The following PPP1R12A variants were observed in gnomAD, a reference collection of about 807,000 sequenced individuals.
PPP1R12A encodes the protein myosin binding subunit.
In PPP1R12A, 19 loss-of-function variants were observed where a neutral mutation model predicts 139.6. That is an observed-to-expected ratio of 0.14 (90% CI 0.09 to 0.20). PPP1R12A has a LOEUF of 0.20. Among genes scored for constraint, PPP1R12A ranks in the 10% least tolerant of loss-of-function variants. The probability of loss-of-function intolerance (pLI) is 1.00; values close to 1 mark genes in which losing one functional copy is unlikely to be tolerated. For missense variants in PPP1R12A, 925 were observed against 1,211.5 expected (o/e 0.76, Z 3.51); for synonymous variants, 427 against 420.6 (o/e 1.02, Z -0.19).
chr12:79,847,960 C>G (rs1565776111), intron 2 of PPP1R12A, among the ~76,000 whole-genome samples: 1 of 152,278 alleles, frequency 6.6e-6, no homozygotes, highest in African/African-American at 2.4e-5. Context: ...CACACACACC[C>G]TCCCTCTAAC....
At chr12:79,817,202 T>C (rs1592661327) in intron 9 of PPP1R12A, among the ~76,000 whole-genome samples, 192 bp downstream of exon 9, 1 of 152,122 alleles carries the variant, frequency 6.6e-6, no homozygotes, top group Non-Finnish European at 1.5e-5. Context: ...GTAATATCAA[T>C]TGCAAAAAGG....
At chr12:79,864,114 A>T (rs1881689613) in intron 2 of PPP1R12A, among the ~76,000 whole-genome samples, 1 of 152,228 alleles carries the variant, frequency 6.6e-6, no homozygotes, top group Non-Finnish European at 1.5e-5. Context: ...GCAAATGTAA[A>T]AGAACAGAAA....
chr12:79,856,593 CCA>C (rs1880686134), intron 2 of PPP1R12A, among the ~76,000 whole-genome samples: 1 of 152,126 alleles, frequency 6.6e-6, no homozygotes, highest in Non-Finnish European at 1.5e-5. Context: ...TTAGAGTGAA[CCA>C]AAAACTTGAA....
chr12:79,822,210 G>C lies in PPP1R12A; in HGVS notation c.793-20C>G. Reference sequence around the variant, plus strand: ...TTGGCCCTACGTAGGAAACAAGGGGGGATGGTGATGGTCAAAAGTCAATAA... The same window carrying C: ...TTGGCCCTACGTAGGAAACAAGGGGCGATGGTGATGGTCAAAAGTCAATAA... On this transcript the variant is annotated intron_variant, in intron 5 of 24. Transcript: ENST00000450142. The C allele has an allele frequency of 6.6e-7, 1 of 1,511,426 alleles. No homozygotes were observed. The highest frequency in any genetic ancestry group is 9.1e-7 in the Non-Finnish European group (1 of 1,100,886). The allele number at this position is 1,511,426 out of a possible 1,614,324, so 93.6% of individuals were successfully genotyped here.
Position 79,807,267 on chromosome 12 carries a change from T to C in PPP1R12A, c.1614A>G (p.Lys538=). Reference sequence around the variant, plus strand: ...ATCCTTCATTAACTGAGCTATTTTTTTTAAGATCATCTTCCCATTTTCTCC... The same window carrying C: ...ATCCTTCATTAACTGAGCTATTTTTCTTAAGATCATCTTCCCATTTTCTCC... The part of the protein sequence containing the change: ...YTRRKWEDDL[K]KNSSVNEGST... Residue 538 remains lysine, a synonymous_variant, in exon 12 of 25, where the codon AAA becomes AAG. Coordinates refer to ENST00000450142, the MANE Select transcript of PPP1R12A (RefSeq NM_002480.3). 14 of 1,555,318 alleles carry C rather than the reference T, an allele frequency of 9.0e-6. No individual in the cohort carries two copies. Among genetic ancestry groups the C allele is most frequent in the Non-Finnish European group, 1.2e-5 (14 of 1,148,184 alleles).
At chr12:79,843,861 C>T (rs1045062933) in intron 3 of PPP1R12A, among the ~76,000 whole-genome samples, 4 of 151,532 alleles carry the variant, frequency 2.6e-5, no homozygotes, top group Middle Eastern at 3.2e-3. Context: ...CCCACCACCA[C>T]GCCCAGCTAA....
chr12:79,917,509 T>C (rs970267482), intron 1 of PPP1R12A, among the ~76,000 whole-genome samples: 4 of 146,284 alleles, frequency 2.7e-5, no homozygotes, highest in African/African-American at 1.0e-4. Flanking sequence ...AAAAAAAGAG[T>C]TTAATATATA....
At chr12:79,888,844 G>C (rs906714590) in intron 1 of PPP1R12A, among the ~76,000 whole-genome samples, 3 of 152,060 alleles carry the variant, frequency 2.0e-5, no homozygotes, top group East Asian at 3.9e-4. Context: ...CTAACCAATA[G>C]GCTACACAAC....
At chr12:79,902,484 T>C (rs1885737465) in intron 1 of PPP1R12A, among the ~76,000 whole-genome samples, 1 of 152,174 alleles carries the variant, frequency 6.6e-6, no homozygotes, top group Non-Finnish European at 1.5e-5. Flanking sequence ...TAAAATTAAA[T>C]GAGATTCAGT....
chr12:79,865,745 G>A (rs1881889398), intron 2 of PPP1R12A, among the ~76,000 whole-genome samples: 1 of 152,036 alleles, frequency 6.6e-6, no homozygotes, highest in African/African-American at 2.4e-5. Context: ...AAAACACCTA[G>A]GAATACAACT....
intron 1 of PPP1R12A, among the ~76,000 whole-genome samples, chr12:79,926,654 T>C (rs192813528): frequency 1.3e-5 from 2 of 152,314 alleles, no homozygotes; most frequent in African/African-American, 2.4e-5. Context: ...CTTCAAAATA[T>C]TAGTTTACAT....
chr12:79,851,989 T>C (rs1433725815), intron 2 of PPP1R12A, among the ~76,000 whole-genome samples: 6 of 152,166 alleles, frequency 3.9e-5, no homozygotes. Flanking sequence ...ATTTATTTCT[T>C]TGCTAAGACT....
chr12:79,840,014 G>T (rs1269355132), intron 3 of PPP1R12A, among the ~76,000 whole-genome samples: 1 of 152,090 alleles, frequency 6.6e-6, no homozygotes, highest in Non-Finnish European at 1.5e-5. Flanking sequence ...CCCATTATAT[G>T]TATCAAATGA....
chr12:79,865,812 TAA>T (rs1881898278), intron 2 of PPP1R12A, among the ~76,000 whole-genome samples: 1 of 152,002 alleles, frequency 6.6e-6, no homozygotes, highest in Non-Finnish European at 1.5e-5. Context: ...CTCAAGGAAA[TAA>T]GAGAGGACAC....
intron 10 of PPP1R12A, 86 bp from the exon 11 acceptor site, chr12:79,808,663 A>G: frequency 3.0e-6 from 2 of 659,426 alleles, no homozygotes; most frequent in Non-Finnish European, 5.2e-6. Flanking sequence ...AGGTTATTCA[A>G]TAATTATAAT....
intron 1 of PPP1R12A, among the ~76,000 whole-genome samples, chr12:79,899,061 A>G (rs1397130106): frequency 6.6e-6 from 1 of 151,710 alleles, no homozygotes; most frequent in East Asian, 1.9e-4. Flanking sequence ...TTATCTATCC[A>G]CAGTCATTTA....
At chr12:79,797,749 ATTG>A (rs1364659060) in intron 15 of PPP1R12A, among the ~76,000 whole-genome samples, 1 of 152,134 alleles carries the variant, frequency 6.6e-6, no homozygotes, top group Non-Finnish European at 1.5e-5. Context: ...ATGCATGATG[ATTG>A]TTAAGGCTTA....
intron 6 of PPP1R12A, among the ~76,000 whole-genome samples, 199 bp from the exon 7 acceptor site, chr12:79,821,365 G>A (rs1448777951): frequency 2.0e-5 from 3 of 152,160 alleles, no homozygotes; most frequent in African/African-American, 2.4e-5. Flanking sequence ...AAAGCTCCAT[G>A]CAGGGCTAAG....
intron 14 of PPP1R12A, among the ~76,000 whole-genome samples, chr12:79,802,700 G>A (rs977245208): frequency 6.6e-6 from 1 of 152,092 alleles, no homozygotes; most frequent in African/African-American, 2.4e-5. Flanking sequence ...AGGATCGCTT[G>A]AGCCCAGGAG....
Sources: allele counts gnomAD v4.1 joint callset (sites outside exome capture counted in the v4.1 genomes callset), GRCh38; gene constraint gnomAD v4.1.1; transcripts MANE v1.5; gene names NCBI Gene and HGNC (gene_info 2026-07-23, HGNC 2026-07-21).